HMCN1: variants seen among roughly 807,000 people sequenced by gnomAD.
HMCN1 encodes the protein hemicentin 1.
Under a neutral mutation model 625.9 loss-of-function variants are expected in HMCN1, and 321 were observed. The observed-to-expected ratio is 0.51, with a 90% CI of 0.47 to 0.56. The LOEUF (loss-of-function observed/expected upper bound fraction) is 0.56. Among genes scored for constraint, HMCN1 ranks in the 20% least tolerant of loss-of-function variants. HMCN1 has a pLI of 0.00. For synonymous variants in HMCN1, 2,425 were observed against 2,417.6 expected (o/e 1.00, Z -0.09); for missense variants, 6,588 against 6,887.3 (o/e 0.96, Z 1.54).
rs75690410 is a variant in HMCN1 at position 186,054,727 on chromosome 1, T to C, written c.6863-666T>C. 5.9e-5 allele frequency among the ~76,000 whole-genome samples: 9 copies of C among 152,118 alleles called. No homozygotes were observed. The South Asian group carries it at 6.2e-4, about 11-fold the overall frequency. ...TCACTGGAGCTGGTCAGCAGCTTAATTGTATCAGCATAGGAGCTCTGGCAT... is the reference window on the plus strand; with the variant it reads ...TCACTGGAGCTGGTCAGCAGCTTAACTGTATCAGCATAGGAGCTCTGGCAT... On this transcript the variant is annotated intron_variant, in intron 44 of 106. Coordinates refer to ENST00000271588, the MANE Select transcript of HMCN1 (RefSeq NM_031935.3).
chr1:185,991,713 A>T (rs35929637), intron 22 of HMCN1, among the ~76,000 whole-genome samples: 7,078 of 131,752 alleles, frequency 0.054, 216 homozygotes, highest in African/African-American at 0.11. Context: ...TCTTTTTTTT[A>T]AAAAAAAAAA....
At chr1:186,108,321 G>T in intron 70 of HMCN1, 140 bp from the exon 71 acceptor site, 2 of 1,353,934 alleles carry the variant, frequency 1.5e-6, no homozygotes, top group South Asian at 1.3e-5. Flanking sequence ...ACTTCCCACT[G>T]TTTGTAATTA....
At chr1:185,823,974 G>C (rs757334838) in intron 1 of HMCN1, among the ~76,000 whole-genome samples, 2 of 152,052 alleles carry the variant, frequency 1.3e-5, no homozygotes, top group African/African-American at 2.4e-5. Flanking sequence ...ATTTTTGTTT[G>C]TTTATTTTGT....
At chr1:186,097,816 T>C (rs1484257028) in intron 68 of HMCN1, among the ~76,000 whole-genome samples, 1 of 152,064 alleles carries the variant, frequency 6.6e-6, no homozygotes, top group Non-Finnish European at 1.5e-5. Flanking sequence ...CAAAGCTGTA[T>C]TAATCAAAAC....
At chr1:185,846,764 T>C (rs961502423) in intron 2 of HMCN1, among the ~76,000 whole-genome samples, 2 of 152,178 alleles carry the variant, frequency 1.3e-5, no homozygotes, top group African/African-American at 4.8e-5. Context: ...GGTACCTGCC[T>C]CATTGGCTGC....
chr1:185,942,054 G>A (rs1489415135), intron 11 of HMCN1, among the ~76,000 whole-genome samples: 1 of 151,882 alleles, frequency 6.6e-6, no homozygotes, highest in Non-Finnish European at 1.5e-5. Context: ...AGCCAGGCGT[G>A]GTGGCACATG....
At chr1:185,843,646 A>C (rs1661630470) in intron 1 of HMCN1, among the ~76,000 whole-genome samples, 1 of 152,196 alleles carries the variant, frequency 6.6e-6, no homozygotes, top group African/African-American at 2.4e-5. Context: ...TGATTTTGCC[A>C]AATAGTCATA....
At chr1:185,946,512 T>C (rs1668355838) in intron 11 of HMCN1, among the ~76,000 whole-genome samples, 1 of 152,206 alleles carries the variant, frequency 6.6e-6, no homozygotes, top group Non-Finnish European at 1.5e-5. Context: ...AGTCTAAACT[T>C]TGGCCTTTCT....
chr1:185,734,986 G>A lies in HMCN1; in HGVS notation c.207G>A (p.Thr69=), dbSNP rs770572008. The change falls in exon 1 of 107, where the codon ACG becomes ACA. Residue 69 remains threonine (T), a synonymous_variant. Transcript: ENST00000271588. ...AAGGGGCTTCCAAAATTTTGGAGAC[G>A]TCTTTGAAAAGACCTAAAAGACCTC... ...VIEGASKILE[T]SLKRPKRPLF... 1.1e-5 allele frequency: 17 copies of A among 1,614,078 alleles called. No homozygotes were observed. In the Admixed American group the frequency reaches 2.3e-4, roughly 22 times the overall value.
At chr1:186,004,039 C>T (rs1190925656) in intron 29 of HMCN1, among the ~76,000 whole-genome samples, 195 bp downstream of exon 29, 1 of 152,070 alleles carries the variant, frequency 6.6e-6, no homozygotes, top group Admixed American at 6.6e-5. Flanking sequence ...TCAAAGCTCC[C>T]TATGAATGTT....
Position 186,114,845 on chromosome 1 carries a change from T to A in HMCN1, c.11303T>A (p.Leu3768His). 6.2e-7 allele frequency: 1 copy of A among 1,614,176 alleles called. No homozygotes were observed. The highest frequency in any genetic ancestry group is 8.5e-7 in the Non-Finnish European group (1 of 1,179,978). Residue 3768 changes from leucine to histidine, a missense_variant, in exon 74 of 107, where the codon CTT becomes CAT. Physicochemically the swap from Leu to His is moderately conservative, Grantham distance 99. Coordinates refer to ENST00000271588, the MANE Select transcript of HMCN1 (RefSeq NM_031935.3). The part of the protein sequence containing the change: ...ARYSILENGF[L>H]HIQSAHVTDT... Reference sequence around the variant, plus strand: ...TATTCCATCTTGGAAAATGGATTCCTTCATATTCAATCAGCACATGTCACT... The same window carrying A: ...TATTCCATCTTGGAAAATGGATTCCATCATATTCAATCAGCACATGTCACT...
In HMCN1 at chr1:186,187,891, G is replaced by T; in HGVS notation, c.16423G>T (p.Glu5475Ter). The T allele has an allele frequency of 6.2e-7, 1 of 1,613,720 alleles. No individual in the cohort carries two copies. The highest frequency in any genetic ancestry group is 8.5e-7 in the Non-Finnish European group (1 of 1,179,728). ...HNGKTCQDID[E>*]CLEQNVHCGP... ...CCCTGTGCTGTCCCTAGATATCGATGAATGTCTGGAGCAGAATGTGCACTG... is the reference window on the plus strand; with the variant it reads ...CCCTGTGCTGTCCCTAGATATCGATTAATGTCTGGAGCAGAATGTGCACTG... Residue 5475 changes from glutamate to a stop codon, truncating the protein, a stop_gained, in exon 106 of 107, where the codon GAA becomes TAA. Transcript: ENST00000271588. LOFTEE classifies it high-confidence loss of function.
intron 4 of HMCN1, among the ~76,000 whole-genome samples, chr1:185,875,576 GTCT>G (rs1014597174): frequency 5.3e-5 from 8 of 152,138 alleles, no homozygotes; most frequent in African/African-American, 1.9e-4. Context: ...TGTTGCCTCA[GTCT>G]TCATTTCCTT....
intron 1 of HMCN1, among the ~76,000 whole-genome samples, chr1:185,780,575 C>G (rs903882069): frequency 6.6e-6 from 1 of 152,100 alleles, no homozygotes; most frequent in African/African-American, 2.4e-5. Context: ...TGAATTTTGT[C>G]GAAGGCCTTT....
At chr1:186,014,332 A>T (rs1276707332) in intron 30 of HMCN1, among the ~76,000 whole-genome samples, 2 of 150,968 alleles carry the variant, frequency 1.3e-5, no homozygotes, top group Non-Finnish European at 3.0e-5. Flanking sequence ...ATATATATAT[A>T]TTTTATTATA....
At chr1:186,169,563 A>T (rs989741863) in intron 100 of HMCN1, among the ~76,000 whole-genome samples, 1 of 152,160 alleles carries the variant, frequency 6.6e-6, no homozygotes, top group East Asian at 1.9e-4. Context: ...TCTTTGACAA[A>T]CCTGACACAA....
chr1:185,755,173 C>A (rs944638454), intron 1 of HMCN1, among the ~76,000 whole-genome samples: 1 of 151,962 alleles, frequency 6.6e-6, no homozygotes, highest in Non-Finnish European at 1.5e-5. Context: ...TTGAAATCAC[C>A]CACTATAATC....
chr1:186,102,741 T>C (rs1250304255), intron 68 of HMCN1, among the ~76,000 whole-genome samples: 2 of 152,134 alleles, frequency 1.3e-5, no homozygotes, highest in African/African-American at 4.8e-5. Flanking sequence ...AATAGTAAGC[T>C]GGAAACTTGA....
At chr1:186,096,630 G>A (rs1660150405) in intron 68 of HMCN1, among the ~76,000 whole-genome samples, 1 of 152,062 alleles carries the variant, frequency 6.6e-6, no homozygotes, top group Non-Finnish European at 1.5e-5. Flanking sequence ...TATCAACATA[G>A]TTGCAAAAAT....
Sources: allele counts gnomAD v4.1 joint callset (sites outside exome capture counted in the v4.1 genomes callset), GRCh38; gene constraint gnomAD v4.1.1; transcripts MANE v1.5; gene names NCBI Gene and HGNC (gene_info 2026-07-23, HGNC 2026-07-21).